The following R3HCC1L variants were observed in gnomAD, a reference collection of about 807,000 sequenced individuals.
R3HCC1L encodes R3H domain and coiled-coil containing 1 like, also known as coiled-coil domain-containing protein R3HCC1L.
Under a neutral mutation model 59.9 loss-of-function variants are expected in R3HCC1L, and 51 were observed. The observed-to-expected ratio is 0.85, with a 90% CI of 0.68 to 1.07. The LOEUF is 1.07. Ranked by LOEUF, R3HCC1L falls within the 50% of genes least tolerant of loss-of-function variation. The pLI, the probability that R3HCC1L is intolerant of heterozygous loss-of-function variation, is 0.00. For missense variants in R3HCC1L, 965 were observed against 933.0 expected (o/e 1.03, Z -0.45); for synonymous variants, 322 against 315.2 (o/e 1.02, Z -0.23).
chr10:98,182,593 G>A (rs963088417), intron 4 of R3HCC1L, among the ~76,000 whole-genome samples: 8 of 152,188 alleles, frequency 5.3e-5, no homozygotes, highest in African/African-American at 1.9e-4. Context: ...GGAACGTTAA[G>A]TCTGCAGAAG....
At chr10:98,196,187 G>A (rs1482154328) in intron 4 of R3HCC1L, among the ~76,000 whole-genome samples, 1 of 151,914 alleles carries the variant, frequency 6.6e-6, no homozygotes, top group African/African-American at 2.4e-5. Flanking sequence ...TTTGTTCCAG[G>A]ATTTAAAAAT....
At chr10:98,243,945 T>G (rs772695923) in intron 9 of R3HCC1L, 146 bp from the exon 10 acceptor site, 53 of 604,884 alleles carry the variant, frequency 8.8e-5, no homozygotes, top group African/African-American at 8.4e-4. Context: ...CTTAGGAAAT[T>G]AAAGGAATTA....
At chr10:98,218,769 G>T (rs1248748685) in intron 5 of R3HCC1L, among the ~76,000 whole-genome samples, 1 of 152,160 alleles carries the variant, frequency 6.6e-6, no homozygotes, top group African/African-American at 2.4e-5. Context: ...CTGAGAGTGG[G>T]ATGTTGAAGC....
chr10:98,236,087 T>A lies in R3HCC1L; in HGVS notation c.2192T>A (p.Ile731Asn), dbSNP rs1856918785. Reference sequence around the variant, plus strand: ...GCAGCCCTAGCCAGAAGGTTAGTCATCAGTGCCCTTGGGGTTCGAAGTAAG... The same window carrying A: ...GCAGCCCTAGCCAGAAGGTTAGTCAACAGTGCCCTTGGGGTTCGAAGTAAG... The part of the protein sequence containing the change: ...TSAALARRLV[I>N]SALGVRSKQS... Residue 731 changes from isoleucine (I) to asparagine (N), a missense_variant, in exon 9 of 10, where the codon ATC (isoleucine) becomes AAC (asparagine). Physicochemically the swap from Ile to Asn is moderately radical, Grantham distance 149. Coordinates refer to ENST00000298999, the MANE Select transcript of R3HCC1L (RefSeq NM_001351015.2). The A allele has an allele frequency of 1.2e-6, 2 of 1,613,896 alleles. No homozygotes were observed. The highest frequency in any genetic ancestry group is 1.7e-6 in the Non-Finnish European group (2 of 1,179,934).
Position 98,208,849 on chromosome 10 carries a change from T to C in R3HCC1L, c.735T>C (p.Ile245=), listed in dbSNP as rs146752413. 1 of 1,614,018 alleles carries C rather than the reference T, an allele frequency of 6.2e-7. No individual in the cohort carries two copies. Among genetic ancestry groups the C allele is most frequent in the African/African-American group, 1.3e-5 (1 of 74,924 alleles). ...TAAAACTAAGCTCTGATTCTGAAATTGTACAACAAAGCATGCAAACATCAG... is the reference window on the plus strand; with the variant it reads ...TAAAACTAAGCTCTGATTCTGAAATCGTACAACAAAGCATGCAAACATCAG... ...VPIKLSSDSE[I]VQQSMQTSDG... is the part of the protein sequence containing the mutation. Residue 245 remains isoleucine, a synonymous_variant, in exon 5 of 10, where the codon ATT becomes ATC. Coordinates refer to ENST00000298999, the MANE Select transcript of R3HCC1L (RefSeq NM_001351015.2).
At chr10:98,183,917 T>G (rs1399680884) in intron 4 of R3HCC1L, among the ~76,000 whole-genome samples, 2 of 151,956 alleles carry the variant, frequency 1.3e-5, no homozygotes, top group African/African-American at 4.8e-5. Context: ...TATCCGAATC[T>G]GGTTCTATTG....
intron 4 of R3HCC1L, among the ~76,000 whole-genome samples, chr10:98,204,892 T>C (rs925919123): frequency 6.6e-6 from 1 of 152,106 alleles, no homozygotes. Context: ...CCATTGGGGA[T>C]CTTGGTACAT....
At chr10:98,241,788 A>G (rs1314864874) in intron 9 of R3HCC1L, among the ~76,000 whole-genome samples, 1 of 152,192 alleles carries the variant, frequency 6.6e-6, no homozygotes, top group African/African-American at 2.4e-5. Flanking sequence ...TCTGGGTCCC[A>G]GATTCAGTTC....
chr10:98,149,947 A>C (rs569693302), intron 1 of R3HCC1L, among the ~76,000 whole-genome samples: 2 of 152,094 alleles, frequency 1.3e-5, no homozygotes, highest in African/African-American at 2.4e-5. Context: ...ATTGCAGTCT[A>C]TCTCTCCCTT....
At chr10:98,184,910 G>A (rs750198763) in intron 4 of R3HCC1L, among the ~76,000 whole-genome samples, 1 of 152,162 alleles carries the variant, frequency 6.6e-6, no homozygotes, top group Non-Finnish European at 1.5e-5. Context: ...TATAGGTAAA[G>A]TAGTGCTCAT....
chr10:98,136,848 A>G (rs960205719), intron 1 of R3HCC1L, among the ~76,000 whole-genome samples: 4 of 152,170 alleles, frequency 2.6e-5, no homozygotes, highest in Admixed American at 6.5e-5. Context: ...CATAACACTA[A>G]GTTTGGATTG....
intron 4 of R3HCC1L, among the ~76,000 whole-genome samples, chr10:98,204,025 C>G (rs1385122273): frequency 6.6e-6 from 1 of 152,092 alleles, no homozygotes. Flanking sequence ...AAATGCACCC[C>G]AAATAATGGA....
In R3HCC1L at chr10:98,235,882, T is replaced by A. The variant is rs1005332610; in HGVS notation, c.2129-142T>A. ...TTGCCATGTTAATTTCCTCTGATCA[T>A]CATCTATCAGACTTGTATTAATTAC... is the stretch of plus-strand genomic sequence containing the variant. On this transcript the variant is annotated intron_variant, in intron 8 of 9. Coordinates refer to ENST00000298999, the MANE Select transcript of R3HCC1L (RefSeq NM_001351015.2). 6.2e-6 allele frequency: 6 copies of A among 961,194 alleles called. No homozygotes were observed. In the Admixed American group the frequency reaches 1.4e-4, roughly 23 times the overall value. The allele number at this position is 961,194 out of a possible 1,614,324, so 59.5% of individuals were successfully genotyped here. A position where few individuals can be genotyped will look rare whatever the true frequency, so the allele number is the denominator to read the frequency against.
chr10:98,142,684 C>G (rs1181298970), intron 1 of R3HCC1L, among the ~76,000 whole-genome samples: 1 of 151,696 alleles, frequency 6.6e-6, no homozygotes, highest in East Asian at 1.9e-4. Flanking sequence ...CCTGTAATCT[C>G]AACACTTTGG....
intron 4 of R3HCC1L, among the ~76,000 whole-genome samples, chr10:98,164,465 A>C (rs950528910): frequency 6.6e-6 from 1 of 152,192 alleles, no homozygotes; most frequent in African/African-American, 2.4e-5. Context: ...GAAGCATAGG[A>C]TTTCATTGTG....
chr10:98,209,372 G>T lies in R3HCC1L; in HGVS notation c.1258G>T (p.Ala420Ser). The T allele has an allele frequency of 2.5e-6, 4 of 1,613,972 alleles. No individual in the cohort carries two copies. The highest frequency in any genetic ancestry group is 2.5e-6 in the Non-Finnish European group (3 of 1,179,996). ...RSFSKFVGMS[A>S]DATPLHVARS... The stretch of plus-strand genomic sequence containing the variant: ...TTTCTCAAAGTTTGTAGGAATGAGT[G>T]CAGATGCAACCCCTCTTCATGTAGC... The change falls in exon 5 of 10, where the codon GCA becomes TCA. Residue 420 changes from alanine (A) to serine (S), a missense_variant. Ala to Ser is a moderately conservative substitution (Grantham distance 99, BLOSUM62 1). Coordinates refer to ENST00000298999, the MANE Select transcript of R3HCC1L (RefSeq NM_001351015.2).
chr10:98,228,514 T>G (rs573314895), intron 5 of R3HCC1L, among the ~76,000 whole-genome samples: 14 of 152,336 alleles, frequency 9.2e-5, no homozygotes, highest in South Asian at 2.1e-4. Flanking sequence ...TTGCAAAAAT[T>G]TTCTCCCATT....
chr10:98,175,993 T>G (rs554101939), intron 4 of R3HCC1L, among the ~76,000 whole-genome samples: 155 of 152,278 alleles, frequency 1.0e-3, no homozygotes, highest in African/African-American at 3.7e-3. Flanking sequence ...TTGTTGCAAA[T>G]GAATTTCCAC....
chr10:98,138,395 A>G (rs1407462452), intron 1 of R3HCC1L, among the ~76,000 whole-genome samples: 1 of 152,048 alleles, frequency 6.6e-6, no homozygotes, highest in East Asian at 1.9e-4. Context: ...TTATGTTTTA[A>G]TCTTAAACAC....
Sources: gnomAD v4.1 joint callset for allele counts (sites outside exome capture counted in the v4.1 genomes callset) on GRCh38, gnomAD v4.1.1 for gene constraint, MANE v1.5 for transcripts, NCBI Gene and HGNC (gene_info 2026-07-23, HGNC 2026-07-21) for gene names.